The following NOTCH2 variants were observed in gnomAD, a reference collection of about 807,000 sequenced individuals.
NOTCH2 encodes the protein notch receptor 2, also known as neurogenic locus notch homolog protein 2.
Under a neutral mutation model 235.8 loss-of-function variants are expected in NOTCH2, and 29 were observed. That is an observed-to-expected ratio of 0.12 (90% CI 0.09 to 0.17). NOTCH2 has a LOEUF of 0.17. NOTCH2 is among the 10% of genes least tolerant of loss of function. The pLI, the probability that NOTCH2 is intolerant of heterozygous loss-of-function variation, is 1.00. For missense variants in NOTCH2, 2,285 were observed against 3,150.2 expected (o/e 0.73, Z 6.57); for synonymous variants, 1,086 against 1,141.5 (o/e 0.95, Z 0.98).
intron 32 of NOTCH2, 33 bp from the exon 33 acceptor site, chr1:119,917,795 T>C (rs1201498359): frequency 1.6e-6 from 2 of 1,233,412 alleles, no homozygotes; most frequent in Non-Finnish European, 2.4e-6. Flanking sequence ...TAAACAGACA[T>C]ATCCTACTCT....
intron 13 of NOTCH2, 57 bp from the exon 14 acceptor site, chr1:119,953,745 G>C (rs1440641503): frequency 3.9e-5 from 57 of 1,471,956 alleles, no homozygotes; most frequent in Non-Finnish European, 5.4e-5. Context: ...TTGAGTCATA[G>C]AGTGAAATAC....
rs1553198280 is a variant in NOTCH2 at position 119,955,277 on chromosome 1, G to A, written c.2027-45C>T. On this transcript the variant is annotated intron_variant, in intron 12 of 33. Transcript: ENST00000256646. ...TGTTAGTCACATCCTAAATGCTTAG[G>A]AAATAGACCCAGAACTATAAGACAC... 3.8e-6 allele frequency: 6 copies of A among 1,588,768 alleles called. No individual in the cohort carries two copies. The Admixed American group carries it at 5.0e-5, about 13-fold the overall frequency.
chr1:120,048,726 G>A (rs1272973347), intron 1 of NOTCH2, among the ~76,000 whole-genome samples: 1 of 127,680 alleles, frequency 7.8e-6, no homozygotes, highest in Non-Finnish European at 1.6e-5. Flanking sequence ...GCGATTACAG[G>A]TGTGAGCCAC....
intron 23 of NOTCH2, 30 bp downstream of exon 23, chr1:119,928,946 G>C (rs1015664984): frequency 1.3e-6 from 2 of 1,577,566 alleles, no homozygotes; most frequent in Non-Finnish European, 1.7e-6. Flanking sequence ...CTCCAAGGCA[G>C]AGTGGCCAGG....
rs770576934 is a variant in NOTCH2, at chr1:119,926,537, T to C, written c.3967A>G (p.Ser1323Gly). The part of the protein sequence containing the change: ...CLNGGTCAVA[S>G]NMPDGFICRC... The stretch of plus-strand genomic sequence containing the variant: ...CAAATGAAACCATCAGGCATGTTAC[T>C]GGCCACAGCACAAGTCCCTCCATTC... Residue 1323 changes from serine (S) to glycine (G), a missense_variant, in exon 24 of 34, where the codon AGT (serine) becomes GGT (glycine). By Grantham distance (56) the Ser-to-Gly change is moderately conservative (BLOSUM62 0). This residue lies in a region of NOTCH2 where 1,173 missense variants were observed against 1,515.3 expected (regional missense o/e 0.77). Coordinates refer to ENST00000256646, the MANE Select transcript of NOTCH2 (RefSeq NM_024408.4). 1.2e-6 allele frequency: 2 copies of C among 1,607,692 alleles called. No homozygotes were observed. Among genetic ancestry groups the C allele is most frequent in the Admixed American group, 3.4e-5 (2 of 59,432 alleles).
intron 5 of NOTCH2, among the ~76,000 whole-genome samples, chr1:119,979,025 G>A (rs1449499384): frequency 6.6e-6 from 1 of 152,170 alleles, no homozygotes; most frequent in African/African-American, 2.4e-5. Context: ...AGAAAGAACT[G>A]CTCCTGTACA....
In NOTCH2 at chr1:119,937,889, T is replaced by C. The variant is rs781872271; in HGVS notation, c.3305A>G (p.Asn1102Ser). The change falls in exon 20 of 34, where the codon AAT becomes AGT. Residue 1102 changes from asparagine to serine, a missense_variant. Asn to Ser is a conservative substitution (Grantham distance 46). Transcript: ENST00000256646. Reference protein sequence around the residue: ...GWAGAYCDVPNVSCDIAASRR... With the variant: ...GWAGAYCDVPSVSCDIAASRR... Reference sequence around the variant, plus strand: ...GGAGGCTGCTATGTCACAAGAGACATTGGGCACGTCACAATAGGCACCAGC... The same window carrying C: ...GGAGGCTGCTATGTCACAAGAGACACTGGGCACGTCACAATAGGCACCAGC... The C allele has an allele frequency of 1.8e-5, 29 of 1,614,110 alleles. No homozygotes were observed. In the African/African-American group the frequency reaches 2.1e-4, roughly 12 times the overall value.
In NOTCH2 at chr1:119,949,103, C is replaced by A. The variant is rs1553197411; in HGVS notation, c.2503G>T (p.Ala835Ser). The A allele has an allele frequency of 1.2e-6, 2 of 1,614,160 alleles. No homozygotes were observed. Residue 835 changes from alanine to serine, a missense_variant, in exon 16 of 34, where the codon GCT (alanine) becomes TCT (serine). By Grantham distance (99) the Ala-to-Ser change is moderately conservative. Around this residue, in one of 6 missense-constraint regions of NOTCH2, gnomAD observed 1,173 missense variants for 1,515.3 expected, o/e 0.77. Transcript: ENST00000256646. The stretch of plus-strand genomic sequence containing the variant: ...TCACAAGGGTTTGGGGAACAGGGAG[C>A]CAATACTGTCTGACAATTCTTGCCT... The part of the protein sequence containing the change: ...YTGKNCQTVL[A>S]PCSPNPCENA...
intron 5 of NOTCH2, among the ~76,000 whole-genome samples, chr1:119,977,530 C>T (rs982925383): frequency 2.6e-5 from 4 of 152,198 alleles, no homozygotes; most frequent in Non-Finnish European, 5.9e-5. Context: ...CAGTCCTCCT[C>T]TTCTAAACAC....
intron 14 of NOTCH2, among the ~76,000 whole-genome samples, chr1:119,951,866 G>A (rs1454994778): frequency 1.3e-5 from 2 of 152,194 alleles, no homozygotes; most frequent in Non-Finnish European, 2.9e-5. Flanking sequence ...TTTACCTTTT[G>A]AATTTTATTT....
At chr1:120,039,355 C>A in intron 1 of NOTCH2, among the ~76,000 whole-genome samples, 1 of 150,210 alleles carries the variant, frequency 6.7e-6, no homozygotes, top group Non-Finnish European at 1.5e-5. Context: ...ATTATCAAGA[C>A]AAATTTTGCC....
rs1395068425 is a variant in NOTCH2, at chr1:120,069,371, C to T, written c.36G>A (p.Leu12=). The T allele has an allele frequency of 1.3e-6, 2 of 1,568,800 alleles. No homozygotes were observed. The highest frequency in any genetic ancestry group is 2.7e-5 in the African/African-American group (2 of 73,444). ...PALRPALLWA[L]LALWLCCAAP... ...CCGCGCAGCACAGCCAGAGCGCCAG[C>T]AGCGCCCACAGCAGAGCGGGGCGCA... The change falls in exon 1 of 34, where the codon CTG becomes CTA. Residue 12 remains leucine (L), a synonymous_variant. Coordinates refer to ENST00000256646, the MANE Select transcript of NOTCH2 (RefSeq NM_024408.4).
chr1:120,005,265 A>G, intron 3 of NOTCH2, 64 bp downstream of exon 3: 12 of 1,611,832 alleles, frequency 7.4e-6, no homozygotes, highest in Non-Finnish European at 9.3e-6. Context: ...CCATGATCTA[A>G]AAGATGCTAA....
At chr1:120,007,101 C>T (rs1296734176) in intron 2 of NOTCH2, among the ~76,000 whole-genome samples, 9 of 152,186 alleles carry the variant, frequency 5.9e-5, no homozygotes, top group Middle Eastern at 3.4e-3. Context: ...GAGCAAGGAG[C>T]GGCTAAGGCT....
At chr1:119,941,251 G>C (rs1650051784) in intron 18 of NOTCH2, among the ~76,000 whole-genome samples, 1 of 152,174 alleles carries the variant, frequency 6.6e-6, no homozygotes, top group Non-Finnish European at 1.5e-5. Flanking sequence ...ATGAATGAGA[G>C]GCCAAGGGAA....
chr1:119,949,053 T>C lies in NOTCH2; in HGVS notation c.2553A>G (p.Ser851=). The C allele has an allele frequency of 6.2e-7, 1 of 1,614,172 alleles. No individual in the cohort carries two copies. Among genetic ancestry groups the C allele is most frequent in the South Asian group, 1.1e-5 (1 of 91,088 alleles). The change falls in exon 16 of 34, where the codon TCA becomes TCG. Residue 851 remains serine (S), a synonymous_variant. Coordinates refer to ENST00000256646, the MANE Select transcript of NOTCH2 (RefSeq NM_024408.4). The part of the protein sequence containing the change: ...PCENAAVCKE[S]PNFESYTCLC... ...AGCAAGTATAACTCTCAAAATTTGG[T>C]GACTCTTTGCAAACAGCAGCATTCT...
rs753586001 is a variant in NOTCH2 at position 119,920,360 on chromosome 1, G to C, written c.5348C>G (p.Pro1783Arg). 5.0e-6 allele frequency: 8 copies of C among 1,614,166 alleles called. No homozygotes were observed. The highest frequency in any genetic ancestry group is 6.8e-6 in the Non-Finnish European group (8 of 1,180,020). ...CTGTGTCCATGGCCGTCGATCAATGGGGTCATCTTCTTCTGAGAGTAAGGC... is the reference window on the plus strand; with the variant it reads ...CTGTGTCCATGGCCGTCGATCAATGCGGTCATCTTCTTCTGAGAGTAAGGC... Reference protein sequence around the residue: ...DEALLSEEDDPIDRRPWTQQH... With the variant: ...DEALLSEEDDRIDRRPWTQQH... The change falls in exon 30 of 34, where the codon CCC becomes CGC. Residue 1783 changes from proline to arginine, a missense_variant. By Grantham distance (103) the Pro-to-Arg change is moderately radical. This residue lies in a region of NOTCH2 where 1,173 missense variants were observed against 1,515.3 expected (regional missense o/e 0.77). Coordinates refer to ENST00000256646, the MANE Select transcript of NOTCH2 (RefSeq NM_024408.4).
In NOTCH2 at chr1:119,959,113, G is replaced by T. The variant is rs587730182; in HGVS notation, c.2026+279C>A. ...CAATAAACATAGCTTTGGAAGCAAT[G>T]TAACTCAAGCAAAGCAAAGGCAATT... On this transcript the variant is annotated intron_variant, in intron 12 of 33. Transcript: ENST00000256646. Among the ~76,000 whole-genome samples the T allele has an allele frequency of 6.1e-4, 93 of 152,240 alleles. 1 individual carries two copies. The highest frequency in any genetic ancestry group is 6.8e-3 in the Middle Eastern group (2 of 294).
intron 4 of NOTCH2, among the ~76,000 whole-genome samples, chr1:119,989,485 A>T (rs1557834965): frequency 6.6e-6 from 1 of 152,092 alleles, no homozygotes; most frequent in Non-Finnish European, 1.5e-5. Context: ...TATTCCATCA[A>T]GTTAAAAACA....
Sources: gnomAD v4.1 joint callset for allele counts (sites outside exome capture counted in the v4.1 genomes callset) on GRCh38, gnomAD v4.1.1 for gene constraint, gnomAD v4.1.1 regional missense constraint, MANE v1.5 for transcripts, NCBI Gene and HGNC (gene_info 2026-07-23, HGNC 2026-07-21) for gene names.